VSNL1: variants seen among roughly 807,000 people sequenced by gnomAD.
The protein encoded by VSNL1 is visinin-like protein 1.
Under a neutral mutation model 20.4 loss-of-function variants are expected in VSNL1, and 6 were observed. That is an observed-to-expected ratio of 0.29 (90% CI 0.16 to 0.58). VSNL1 has a LOEUF of 0.58. VSNL1 is among the 20% of genes least tolerant of loss of function. The pLI, the probability that VSNL1 is intolerant of heterozygous loss-of-function variation, is 0.90. For missense variants in VSNL1, 100 were observed against 234.5 expected (o/e 0.43, Z 3.75); for synonymous variants, 93 against 86.4 (o/e 1.08, Z -0.42).
chr2:17,586,763 AAGGAAAAGAGAGGAGT>A (rs1664483756), intron 1 of VSNL1, among the ~76,000 whole-genome samples: 1 of 152,186 alleles, frequency 6.6e-6, no homozygotes, highest in African/African-American at 2.4e-5. Flanking sequence ...TATCAAATAC[AAGGAAAAGAGAGGAGT>A]AGTAACAGTT....
intron 2 of VSNL1, among the ~76,000 whole-genome samples, chr2:17,607,013 C>T (rs1042415013): frequency 1.3e-5 from 2 of 152,086 alleles, no homozygotes; most frequent in Non-Finnish European, 2.9e-5. Flanking sequence ...CTGAACATGG[C>T]AGAGTAGAAA....
At chr2:17,558,783 C>CT (rs1277263400) in intron 1 of VSNL1, among the ~76,000 whole-genome samples, 3 of 151,848 alleles carry the variant, frequency 2.0e-5, no homozygotes, top group African/African-American at 7.3e-5. Context: ...CTATGATATG[C>CT]TTTTTTTTCT....
chr2:17,586,772 A>C (rs1303459821), intron 1 of VSNL1, among the ~76,000 whole-genome samples: 3 of 152,208 alleles, frequency 2.0e-5, no homozygotes, highest in African/African-American at 7.2e-5. Context: ...CAAGGAAAAG[A>C]GAGGAGTAGT....
chr2:17,639,359 G>A (rs529944695), intron 2 of VSNL1, among the ~76,000 whole-genome samples: 1 of 152,288 alleles, frequency 6.6e-6, no homozygotes, highest in Admixed American at 6.5e-5. Context: ...CGCCTTGGCT[G>A]GGTTTGCACT....
chr2:17,613,069 C>T (rs758563593), intron 2 of VSNL1, among the ~76,000 whole-genome samples: 11 of 152,136 alleles, frequency 7.2e-5, no homozygotes, highest in Non-Finnish European at 1.5e-4. Context: ...TCCTCACTCC[C>T]AAATCCACCC....
chr2:17,654,833 C>G (rs929368501), intron 3 of VSNL1, among the ~76,000 whole-genome samples: 2 of 152,194 alleles, frequency 1.3e-5, no homozygotes, highest in Non-Finnish European at 2.9e-5. Flanking sequence ...GCCCCTTGCC[C>G]CACATCCCAC....
intron 1 of VSNL1, among the ~76,000 whole-genome samples, chr2:17,543,748 A>G (rs1488734935): frequency 6.6e-6 from 1 of 152,156 alleles, no homozygotes; most frequent in African/African-American, 2.4e-5. Context: ...ATTCTTTCGC[A>G]GTTTCTGCTC....
At chr2:17,587,504 C>T (rs1434186021) in intron 1 of VSNL1, among the ~76,000 whole-genome samples, 2 of 152,142 alleles carry the variant, frequency 1.3e-5, no homozygotes, top group Non-Finnish European at 2.9e-5. Context: ...CGAAGTTCTC[C>T]TGGTCCTCTT....
chr2:17,592,039 G>A (rs1664602948), intron 1 of VSNL1, 31 bp from the exon 2 acceptor site: 3 of 1,612,784 alleles, frequency 1.9e-6, no homozygotes, highest in Middle Eastern at 1.7e-4. Context: ...CACAGCCACA[G>A]CGCTAATTGA....
intron 1 of VSNL1, among the ~76,000 whole-genome samples, chr2:17,559,428 G>A (rs563736160): frequency 6.7e-6 from 1 of 149,912 alleles, no homozygotes; most frequent in Non-Finnish European, 1.5e-5. Flanking sequence ...AACAACAACA[G>A]CTTTTTAAAT....
chr2:17,616,608 C>T (rs933623289), intron 2 of VSNL1, among the ~76,000 whole-genome samples: 2 of 152,222 alleles, frequency 1.3e-5, no homozygotes, highest in African/African-American at 4.8e-5. Context: ...CCACAGTGAG[C>T]TCAGTGTCAC....
chr2:17,652,213 G>A (rs1341591809), intron 3 of VSNL1, among the ~76,000 whole-genome samples: 1 of 152,156 alleles, frequency 6.6e-6, no homozygotes, highest in Non-Finnish European at 1.5e-5. Context: ...GGTTTCCAGA[G>A]GACTGAGGTC....
Position 17,649,869 on chromosome 2 carries a change from A to C in VSNL1, c.378+244A>C, listed in dbSNP as rs1283823754. Among the ~76,000 whole-genome samples the C allele has an allele frequency of 6.6e-6, 1 of 152,088 alleles. No individual in the cohort carries two copies. The highest frequency in any genetic ancestry group is 2.4e-5 in the African/African-American group (1 of 41,412). On this transcript the variant is annotated intron_variant, in intron 3 of 3. Transcript: ENST00000295156. This position sits in a 1 kb window ranked among gnomAD's most constrained non-coding sequence, Gnocchi z 6.4. ...TCATCTGCCATTCACTCACTACTGG[A>C]TCTCCCACGAACCTGTCTTACTGTG...
chr2:17,571,873 G>A (rs1204049722), intron 1 of VSNL1, among the ~76,000 whole-genome samples: 2 of 152,212 alleles, frequency 1.3e-5, no homozygotes, highest in Non-Finnish European at 2.9e-5. Flanking sequence ...GCAGTGATCT[G>A]ACTGGCAAGA....
rs982383532 is a variant in VSNL1, at chr2:17,649,722, T to C, written c.378+97T>C. ...CCTTAGTGGCTTCTTCTCTCTCTGC[T>C]CGAGCCCTGCCAGCTGCACACCACG... On this transcript the variant is annotated intron_variant, in intron 3 of 3. Transcript: ENST00000295156. The surrounding 1 kb of genome is among the most constrained non-coding windows in gnomAD (Gnocchi z 6.4). 1.7e-6 allele frequency: 2 copies of C among 1,159,026 alleles called. No individual in the cohort carries two copies. The highest frequency in any genetic ancestry group is 2.5e-6 in the Non-Finnish European group (2 of 800,662). The allele number at this position is 1,159,026 out of a possible 1,614,324, so 71.8% of individuals were successfully genotyped here.
intron 1 of VSNL1, among the ~76,000 whole-genome samples, chr2:17,550,910 T>G: frequency 6.6e-6 from 1 of 152,340 alleles, no homozygotes; most frequent in Admixed American, 6.5e-5. Context: ...ACATAATCAC[T>G]GTATACATGC....
intron 1 of VSNL1, among the ~76,000 whole-genome samples, chr2:17,591,004 CTTA>C (rs1409000399): frequency 4.0e-5 from 6 of 151,756 alleles, no homozygotes; most frequent in South Asian, 2.1e-4. Context: ...TAGCAATAGT[CTTA>C]TTATTATTTA....
chr2:17,605,548 A>AT (rs1223317384), intron 2 of VSNL1, among the ~76,000 whole-genome samples: 3 of 152,196 alleles, frequency 2.0e-5, no homozygotes, highest in Non-Finnish European at 4.4e-5. Flanking sequence ...CCTTGAAGGT[A>AT]TTACACTGAT....
chr2:17,613,646 C>T (rs1308951861), intron 2 of VSNL1, among the ~76,000 whole-genome samples: 4 of 152,186 alleles, frequency 2.6e-5, no homozygotes, highest in African/African-American at 4.8e-5. Flanking sequence ...CTCATCATTA[C>T]GCCCAGATTT....
Sources: allele counts gnomAD v4.1 joint callset (sites outside exome capture counted in the v4.1 genomes callset), GRCh38; gene constraint gnomAD v4.1.1; non-coding constraint Gnocchi (gnomAD v3.1); transcripts MANE v1.5; gene names NCBI Gene and HGNC (gene_info 2026-07-23, HGNC 2026-07-21).